Variants in COL7A1 observed in about 807,000 individuals in gnomAD.
The protein encoded by COL7A1 is collagen type VII alpha 1 chain, also known as collagen alpha-1(VII) chain.
A neutral mutation model predicts 456.2 loss-of-function variants in COL7A1; 296 were observed. The ratio of observed to expected loss-of-function variants is 0.65; its 90% CI spans 0.59 to 0.71. The LOEUF is 0.71. Among genes scored for constraint, COL7A1 ranks in the 30% least tolerant of loss-of-function variants. COL7A1 has a pLI of 0.00. For missense variants in COL7A1, 3,441 were observed against 4,017.2 expected, an observed-to-expected ratio of 0.86 and a Z score of 3.88; for synonymous variants, 1,464 against 1,525.9, an observed-to-expected ratio of 0.96 and a Z score of 0.95.
In COL7A1 at chr3:48,570,809, C is replaced by T. The variant is rs578219210; in HGVS notation, c.7272+52G>A. ...GGAACCCCCAAGGCAGGGCCCCCTC[C>T]TCACCCACCATGGATTCACCATGCC... is the stretch of plus-strand genomic sequence containing the variant. On this transcript the variant is annotated intron_variant, in intron 95 of 118. Transcript: ENST00000681320. The surrounding 1 kb of genome is among the most constrained non-coding windows in gnomAD (Gnocchi z 5.5). The T allele has an allele frequency of 3.8e-6, 6 of 1,570,936 alleles. No individual in the cohort carries two copies. The South Asian group carries it at 4.6e-5, about 12-fold the overall frequency.
Position 48,595,127 on chromosome 3 carries a change from G to T in COL7A1, c.33C>A (p.Cys11Ter). 6.4e-7 allele frequency: 1 copy of T among 1,554,216 alleles called. No homozygotes were observed. Among genetic ancestry groups the T allele is most frequent in the Admixed American group, 1.9e-5 (1 of 51,758 alleles). The change falls in exon 2 of 119, where the codon TGC becomes TGA. Residue 11 changes from cysteine to a stop codon, truncating the protein, a stop_gained. Coordinates refer to ENST00000681320, the MANE Select transcript of COL7A1 (RefSeq NM_000094.4). LOFTEE classifies it high-confidence loss of function. MTLRLLVAAL[C>*]AGILAEAPRV... Reference sequence around the variant, plus strand: ...GGGGCGCCTCTGCCAGGATCCCGGCGCAGAGCGCGGCCACCAGAAGCCGCA... The same window carrying T: ...GGGGCGCCTCTGCCAGGATCCCGGCTCAGAGCGCGGCCACCAGAAGCCGCA...
chr3:48,592,816 G>C lies in COL7A1; in HGVS notation c.805C>G (p.Leu269Val). 6.2e-7 allele frequency: 1 copy of C among 1,613,832 alleles called. No individual in the cohort carries two copies. ...GGCAGTGGCTGTCCCAGCCCCGTCA[G>C]AGGAGTGTACTGGACCTTGTAGCCA... ...VTGYKVQYTPLTGLGQPLPSE... is the reference protein window; with the variant it reads ...VTGYKVQYTPVTGLGQPLPSE... Residue 269 changes from leucine (L) to valine (V), a missense_variant, in exon 7 of 119, where the codon CTG (leucine) becomes GTG (valine). This residue lies in a region of COL7A1 where 913 missense variants were observed against 1,088.2 expected (regional missense o/e 0.84). Coordinates refer to ENST00000681320, the MANE Select transcript of COL7A1 (RefSeq NM_000094.4). The surrounding 1 kb of genome is among the most constrained non-coding windows in gnomAD (Gnocchi z 7.6).
At position 48,585,568 on chromosome 3, in the gene COL7A1, T is replaced by C. The variant is rs2045182152; in HGVS notation, c.3883A>G (p.Lys1295Glu). The C allele has an allele frequency of 6.2e-7, 1 of 1,613,744 alleles. No individual in the cohort carries two copies. Among genetic ancestry groups the C allele is most frequent in the South Asian group, 1.1e-5 (1 of 91,066 alleles). ...GTCTCCACACTCACCCTCTCGCCCT[T>C]GGCAGTGGCACTTCCAGGGGGCCCC... ...PQGPPGSATAKGERGFPGADG... is the reference protein window; with the variant it reads ...PQGPPGSATAEGERGFPGADG... Residue 1295 changes from lysine to glutamate, a missense_variant, in exon 32 of 119, where the codon AAG becomes GAG. Lys to Glu is a moderately conservative substitution (Grantham distance 56, BLOSUM62 1). Transcript: ENST00000681320. The surrounding 1 kb of genome is among the most constrained non-coding windows in gnomAD (Gnocchi z 4.5).
In COL7A1 at chr3:48,585,886, G is replaced by C; in HGVS notation, c.3760-30C>G. ...GGAAAGACATGTCAGATGTGGGTCA[G>C]AGTGGCTAGCCCCAGGTGCAGCCTC... On this transcript the variant is annotated intron_variant, in intron 29 of 118. Coordinates refer to ENST00000681320, the MANE Select transcript of COL7A1 (RefSeq NM_000094.4). This position sits in a 1 kb window ranked among gnomAD's most constrained non-coding sequence, Gnocchi z 4.5. 6.2e-7 allele frequency: 1 copy of C among 1,614,122 alleles called. No homozygotes were observed. Among genetic ancestry groups the C allele is most frequent in the South Asian group, 1.1e-5 (1 of 91,090 alleles).
intron 36 of COL7A1, 54 bp downstream of exon 36, chr3:48,584,431 C>A: frequency 6.2e-7 from 1 of 1,613,456 alleles, no homozygotes; most frequent in Non-Finnish European, 8.5e-7. Context: ...TCTCGCCCCC[C>A]TCGTGTTGGT....
intron 44 of COL7A1, 35 bp from the exon 45 acceptor site, chr3:48,582,688 G>A (rs1209694307): frequency 6.2e-7 from 1 of 1,611,084 alleles, no homozygotes; most frequent in African/African-American, 1.3e-5. Flanking sequence ...GTGCAGGTGG[G>A]TGGGGACGGG....
In COL7A1 at chr3:48,585,154, C is replaced by T. The variant is rs2045150575; in HGVS notation, c.3895-38G>A. On this transcript the variant is annotated intron_variant, in intron 32 of 118. Transcript: ENST00000681320. The surrounding 1 kb of genome is among the most constrained non-coding windows in gnomAD (Gnocchi z 4.5). ...AGAGGTCAGGACAGGAAGGGACCCT[C>T]CCCCAAGGCCCCTGGTTTGCTGGAG... The T allele has an allele frequency of 1.9e-6, 3 of 1,598,082 alleles. No homozygotes were observed. Among genetic ancestry groups the T allele is most frequent in the Non-Finnish European group, 1.7e-6 (2 of 1,171,716 alleles).
chr3:48,593,598 G>A lies in COL7A1; in HGVS notation c.365C>T (p.Ala122Val). The A allele has an allele frequency of 6.2e-7, 1 of 1,614,224 alleles. No individual in the cohort carries two copies. Among genetic ancestry groups the A allele is most frequent in the Non-Finnish European group, 8.5e-7 (1 of 1,180,038 alleles). Residue 122 changes from alanine (A) to valine (V), a missense_variant, in exon 4 of 119, where the codon GCA becomes GTA. Ala to Val is a moderately conservative substitution (Grantham distance 64). This residue lies in a region of COL7A1 where 913 missense variants were observed against 1,088.2 expected (regional missense o/e 0.84). Transcript: ENST00000681320. This position sits in a 1 kb window ranked among gnomAD's most constrained non-coding sequence, Gnocchi z 4.4. ...YKGGNTRTGA[A>V]ILHVADHVFL... is the part of the protein sequence containing the mutation. Reference sequence around the variant, plus strand: ...GACATGGTCAGCCACATGGAGAATTGCAGCCCCTGTGCGAGTGTTGCCCCC... The same window carrying A: ...GACATGGTCAGCCACATGGAGAATTACAGCCCCTGTGCGAGTGTTGCCCCC...
At position 48,575,025 on chromosome 3, in the gene COL7A1, T is replaced by C; in HGVS notation, c.6279+39A>G. 6.3e-7 allele frequency: 1 copy of C among 1,599,198 alleles called. No individual in the cohort carries two copies. The highest frequency in any genetic ancestry group is 8.6e-7 in the Non-Finnish European group (1 of 1,166,832). On this transcript the variant is annotated intron_variant, in intron 76 of 118. Transcript: ENST00000681320. The surrounding 1 kb of genome is among the most constrained non-coding windows in gnomAD (Gnocchi z 6.3). ...GACCAAGCTAAGGGTGGCTTCCTGGTCACTAGTCACAGGACTAAGGCAGGG... is the reference window on the plus strand; with the variant it reads ...GACCAAGCTAAGGGTGGCTTCCTGGCCACTAGTCACAGGACTAAGGCAGGG...
chr3:48,588,136 C>T lies in COL7A1; in HGVS notation c.2710+146G>A, dbSNP rs1164189467. The T allele has an allele frequency of 7.2e-7, 1 of 1,383,758 alleles. No homozygotes were observed. The highest frequency in any genetic ancestry group is 1.3e-5 in the South Asian group (1 of 79,674). The allele number at this position is 1,383,758 out of a possible 1,614,324, so 85.7% of individuals were successfully genotyped here. On this transcript the variant is annotated intron_variant, in intron 21 of 118. Transcript: ENST00000681320. The surrounding 1 kb of genome is among the most constrained non-coding windows in gnomAD (Gnocchi z 4.6). ...ATGAACTCATTGATCCCACCCACTT[C>T]ATTGATTGATCTTACCTACTGTCAC...
Position 48,572,276 on chromosome 3 carries a change from C to T in COL7A1, c.6978+104G>A. 1.2e-6 allele frequency: 2 copies of T among 1,612,052 alleles called. No individual in the cohort carries two copies. Among genetic ancestry groups the T allele is most frequent in the Non-Finnish European group, 1.7e-6 (2 of 1,178,138 alleles). ...TTAAATATGCGGTCTACTATGAAAG[C>T]TGAGGGTCATGAGGGTGGGTAAACT... On this transcript the variant is annotated intron_variant, in intron 90 of 118. Coordinates refer to ENST00000681320, the MANE Select transcript of COL7A1 (RefSeq NM_000094.4). This position sits in a 1 kb window ranked among gnomAD's most constrained non-coding sequence, Gnocchi z 4.6.
chr3:48,591,842 G>A lies in COL7A1; in HGVS notation c.1358-20C>T, dbSNP rs1288745584. On this transcript the variant is annotated intron_variant, in intron 11 of 118. Coordinates refer to ENST00000681320, the MANE Select transcript of COL7A1 (RefSeq NM_000094.4). This position sits in a 1 kb window ranked among gnomAD's most constrained non-coding sequence, Gnocchi z 7.0. ...CCAAGCCTGCAAGATAACAGGGTCA[G>A]ACCAGCAGAGGCCATGCCCTGACCC... 2 of 1,614,048 alleles carry A rather than the reference G, an allele frequency of 1.2e-6. No individual in the cohort carries two copies. Among genetic ancestry groups the A allele is most frequent in the African/African-American group, 1.3e-5 (1 of 74,916 alleles).
In COL7A1 at chr3:48,586,057, A is replaced by G; in HGVS notation, c.3723+17T>C. The G allele has an allele frequency of 2.5e-6, 4 of 1,613,542 alleles. No individual in the cohort carries two copies. Among genetic ancestry groups the G allele is most frequent in the Non-Finnish European group, 3.4e-6 (4 of 1,180,014 alleles). Reference sequence around the variant, plus strand: ...CTTATATTCTACCACCCAGTCCCCCAGAGGCCTCTTCCAAACCTGAGTAGT... The same window carrying G: ...CTTATATTCTACCACCCAGTCCCCCGGAGGCCTCTTCCAAACCTGAGTAGT... On this transcript the variant is annotated intron_variant, in intron 28 of 118. Transcript: ENST00000681320. This position sits in a 1 kb window ranked among gnomAD's most constrained non-coding sequence, Gnocchi z 5.1.
At position 48,574,485 on chromosome 3, in the gene COL7A1, T is replaced by C; in HGVS notation, c.6456+3A>G. On this transcript the variant is annotated splice_donor_region_variant and intron_variant, in intron 79 of 118. Coordinates refer to ENST00000681320, the MANE Select transcript of COL7A1 (RefSeq NM_000094.4). The surrounding 1 kb of genome is among the most constrained non-coding windows in gnomAD (Gnocchi z 5.0). ...CATGTGTGGCTGTTGGGCAAGGACT[T>C]ACCGGGTTGCCGTCCTGACCCCTCG... is the stretch of plus-strand genomic sequence containing the variant. 1 of 1,614,132 alleles carries C rather than the reference T, an allele frequency of 6.2e-7. No individual in the cohort carries two copies. Among genetic ancestry groups the C allele is most frequent in the Admixed American group, 1.7e-5 (1 of 60,028 alleles).
rs775247533 is a variant in COL7A1 at position 48,570,410 on chromosome 3, G to T, written c.7380+55C>A. The T allele has an allele frequency of 1.2e-6, 2 of 1,613,996 alleles. No individual in the cohort carries two copies. Among genetic ancestry groups the T allele is most frequent in the Non-Finnish European group, 1.7e-6 (2 of 1,179,888 alleles). ...GCAGGGTCATGGGAGGTCAGTGGAGGCTGAAGGGGGTGACCAGGGCACAAG... is the reference window on the plus strand; with the variant it reads ...GCAGGGTCATGGGAGGTCAGTGGAGTCTGAAGGGGGTGACCAGGGCACAAG... On this transcript the variant is annotated intron_variant, in intron 97 of 118. Transcript: ENST00000681320. The surrounding 1 kb of genome is among the most constrained non-coding windows in gnomAD (Gnocchi z 5.5).
At position 48,589,736 on chromosome 3, in the gene COL7A1, T is replaced by G. The variant is rs372389666; in HGVS notation, c.2051-18A>C. The G allele has an allele frequency of 6.9e-5, 111 of 1,613,340 alleles. No homozygotes were observed. Among genetic ancestry groups the G allele is most frequent in the Non-Finnish European group, 8.4e-5 (99 of 1,179,894 alleles). ...CAGTGGGTCTAGTGGGGAGAGGCAA[T>G]GGGGAGTCTGCTGGAACAGGCAGGA... On this transcript the variant is annotated intron_variant, in intron 16 of 118. Coordinates refer to ENST00000681320, the MANE Select transcript of COL7A1 (RefSeq NM_000094.4).
chr3:48,578,883 C>G lies in COL7A1; in HGVS notation c.5424+36G>C. 6.2e-7 allele frequency: 1 copy of G among 1,604,710 alleles called. No homozygotes were observed. The highest frequency in any genetic ancestry group is 8.5e-7 in the Non-Finnish European group (1 of 1,174,806). ...GATCTGGTTGGAGCTTACGCAGCCC[C>G]GAGCCCCCTCTGTCCCAGCATCTCC... On this transcript the variant is annotated intron_variant, in intron 63 of 118. Coordinates refer to ENST00000681320, the MANE Select transcript of COL7A1 (RefSeq NM_000094.4). This position sits in a 1 kb window ranked among gnomAD's most constrained non-coding sequence, Gnocchi z 4.7.
intron 16 of COL7A1, 81 bp from the exon 17 acceptor site, chr3:48,589,799 T>A: frequency 6.3e-7 from 1 of 1,596,212 alleles, no homozygotes; most frequent in Non-Finnish European, 8.6e-7. Context: ...ATGATGGGAG[T>A]CTAACAGGAG....
In COL7A1 at chr3:48,587,278, C is replaced by G. The variant is rs75167499; in HGVS notation, c.3051G>C (p.Gly1017=). The G allele has an allele frequency of 2.5e-6, 4 of 1,609,496 alleles. No individual in the cohort carries two copies. The highest frequency in any genetic ancestry group is 2.5e-6 in the Non-Finnish European group (3 of 1,177,828). ...AGATGTAAGAGACGCCAGGCTCTAG[C>G]CCTGTCACCCGCTGGGAGCTTGAGA... is the stretch of plus-strand genomic sequence containing the variant. ...PGISSSQRVT[G]LEPGVSYIFS... The change falls in exon 24 of 119, where the codon GGG becomes GGC. Residue 1017 remains glycine, a synonymous_variant. Coordinates refer to ENST00000681320, the MANE Select transcript of COL7A1 (RefSeq NM_000094.4). This position sits in a 1 kb window ranked among gnomAD's most constrained non-coding sequence, Gnocchi z 6.1.
Sources: gnomAD v4.1 joint callset for allele counts on GRCh38, gnomAD v4.1.1 for gene constraint, gnomAD v4.1.1 regional missense constraint, Gnocchi (gnomAD v3.1) non-coding constraint, MANE v1.5 for transcripts, NCBI Gene and HGNC (gene_info 2026-07-23, HGNC 2026-07-21) for gene names.